CFAP46: variants seen among roughly 807,000 people sequenced by gnomAD.
CFAP46 encodes the protein cilia- and flagella-associated protein 46.
In CFAP46, 245 loss-of-function variants were observed where a neutral mutation model predicts 325.7. The ratio of observed to expected loss-of-function variants is 0.75; its 90% CI spans 0.68 to 0.84. CFAP46 has a LOEUF of 0.84. CFAP46 is among the 40% of genes least tolerant of loss of function. The pLI is 0.00. For synonymous variants in CFAP46, 1,523 were observed against 1,495.9 expected, an observed-to-expected ratio of 1.02 and a Z score of -0.42; for missense variants, 3,346 against 3,543.0, an observed-to-expected ratio of 0.94 and a Z score of 1.41.
At position 132,859,139 on chromosome 10, in the gene CFAP46, T is replaced by C; in HGVS notation, c.5307A>G (p.Arg1769=). 6.4e-7 allele frequency: 1 copy of C among 1,550,972 alleles called. No homozygotes were observed. Among genetic ancestry groups the C allele is most frequent in the Non-Finnish European group, 8.7e-7 (1 of 1,147,076 alleles). ...CTTTGCAGCCACAGTCGATAAACTT[T>C]CTCTCAATTTCCAACAGGCCATCAT... is the stretch of plus-strand genomic sequence containing the variant. ...EMDDGLLEIE[R]KFIDCGCKEN... The change falls in exon 38 of 58, where the codon AGA becomes AGG. Residue 1769 remains arginine, a synonymous_variant. Coordinates refer to ENST00000368586, the MANE Select transcript of CFAP46 (RefSeq NM_001200049.3).
Position 132,814,704 on chromosome 10 carries a change from C to T in CFAP46, c.7231G>A (p.Asp2411Asn), listed in dbSNP as rs61733298. 8,728 of 1,609,488 alleles carry T rather than the reference C, an allele frequency of 5.4e-3. 290 individuals carry two copies. The African/African-American group carries it at 0.088, about 16-fold the overall frequency. The change falls in exon 52 of 58, where the codon GAC (aspartate) becomes AAC (asparagine). Residue 2411 changes from aspartate to asparagine, a missense_variant. Coordinates refer to ENST00000368586, the MANE Select transcript of CFAP46 (RefSeq NM_001200049.3). ...RTIPPDCIIV[D>N]SDNFKFVVDP... is the part of the protein sequence containing the mutation. Reference sequence around the variant, plus strand: ...AGGATACACTTGAAGTTGTCTGAGTCGACTATGATGCAGTCAGGGGGGATG... The same window carrying T: ...AGGATACACTTGAAGTTGTCTGAGTTGACTATGATGCAGTCAGGGGGGATG...
chr10:132,833,832 C>T (rs1431041426), intron 49 of CFAP46, among the ~76,000 whole-genome samples: 1 of 152,214 alleles, frequency 6.6e-6, no homozygotes, highest in Non-Finnish European at 1.5e-5. Flanking sequence ...CACAGAGCCT[C>T]CTACCCAGAG....
At chr10:132,938,458 GGA>G (rs1850045083) in intron 5 of CFAP46, 129 bp downstream of exon 5, 1 of 871,760 alleles carries the variant, frequency 1.1e-6, no homozygotes, top group Admixed American at 2.4e-5. Context: ...TGTGACTGTG[GGA>G]GAGAACGCAC....
In CFAP46 at chr10:132,808,675, G is replaced by C. The variant is rs774421522; in HGVS notation, c.7894C>G (p.Leu2632Val). Residue 2632 changes from leucine (L) to valine (V), a missense_variant, in exon 58 of 58, where the codon CTC (leucine) becomes GTC (valine). Transcript: ENST00000368586. The surrounding 1 kb of genome is among the most constrained non-coding windows in gnomAD (Gnocchi z 6.8). Reference sequence around the variant, plus strand: ...GAGAGGCCCAGGAAGGGGAGAGCGAGCTGGGAGCTGGGGATGGGAGCCGGG... The same window carrying C: ...GAGAGGCCCAGGAAGGGGAGAGCGACCTGGGAGCTGGGGATGGGAGCCGGG... ...HLPAPIPSSQ[L>V]ALPFLGLSPA... 1.9e-6 allele frequency: 3 copies of C among 1,578,412 alleles called. No individual in the cohort carries two copies. In the South Asian group the frequency reaches 3.4e-5, roughly 18 times the overall value.
intron 39 of CFAP46, 70 bp downstream of exon 39, chr10:132,857,520 T>G: frequency 1.4e-6 from 2 of 1,481,366 alleles, no homozygotes; most frequent in East Asian, 2.3e-5. Flanking sequence ...GCTTGTAAGG[T>G]AAGTTACAGT....
At chr10:132,823,866 C>A (rs978818940) in intron 50 of CFAP46, among the ~76,000 whole-genome samples, 3 of 123,142 alleles carry the variant, frequency 2.4e-5, no homozygotes, top group Admixed American at 1.7e-4. Context: ...TGTGTGCTGT[C>A]TGTGCGCTGA....
chr10:132,813,044 C>T (rs1455988468), intron 54 of CFAP46, 147 bp from the exon 55 acceptor site: 4 of 629,770 alleles, frequency 6.4e-6, no homozygotes, highest in Admixed American at 5.4e-5. Context: ...TTCCTAATGC[C>T]CACGCCTCCC....
intron 31 of CFAP46, among the ~76,000 whole-genome samples, chr10:132,873,566 G>A (rs1848923714): frequency 6.6e-6 from 1 of 152,124 alleles, no homozygotes; most frequent in Non-Finnish European, 1.5e-5. Context: ...CTGCAGGCTG[G>A]GCTTAGAAAA....
At chr10:132,814,067 G>A in intron 54 of CFAP46, 85 bp downstream of exon 54, 1 of 1,027,430 alleles carries the variant, frequency 9.7e-7, no homozygotes, top group East Asian at 2.5e-5. Context: ...CAGACCCAGG[G>A]AGCCGGGGGT....
chr10:132,926,003 T>C (rs1849804402), intron 10 of CFAP46, among the ~76,000 whole-genome samples: 1 of 152,200 alleles, frequency 6.6e-6, no homozygotes. Flanking sequence ...TTTCTGTTCA[T>C]CTTTTAACTG....
intron 28 of CFAP46, 45 bp downstream of exon 28, chr10:132,880,816 G>A: frequency 1.3e-6 from 2 of 1,528,122 alleles, no homozygotes; most frequent in Non-Finnish European, 1.8e-6. Flanking sequence ...GCAGAGCTCT[G>A]GGGAGCGGCG....
chr10:132,916,577 C>G lies in CFAP46; in HGVS notation c.2092G>C (p.Glu698Gln), dbSNP rs1396016058. 1 of 1,548,062 alleles carries G rather than the reference C, an allele frequency of 6.5e-7. No homozygotes were observed. Among genetic ancestry groups the G allele is most frequent in the African/African-American group, 1.4e-5 (1 of 72,950 alleles). Residue 698 changes from glutamate to glutamine, a missense_variant, in exon 17 of 58, where the codon GAG (glutamate) becomes CAG (glutamine). Glu to Gln is a conservative substitution (Grantham distance 29). Transcript: ENST00000368586. ...TATGTGATCCACTCAGCATTCACCT[C>G]CGGGGGCTCAGGCACGTAGCCAGCT... ...HPAGYVPEPP[E>Q]VNAEWITYRT... is the part of the protein sequence containing the mutation.
At chr10:132,887,316 C>T (rs1242681531) in intron 25 of CFAP46, among the ~76,000 whole-genome samples, 4 of 110,144 alleles carry the variant, frequency 3.6e-5, no homozygotes, top group African/African-American at 1.8e-4. Context: ...CTTCTCTCCC[C>T]TCTCTCCTCT....
At chr10:132,921,747 G>A (rs112546494) in intron 13 of CFAP46, among the ~76,000 whole-genome samples, 2,972 of 152,266 alleles carry the variant, frequency 0.02, 91 homozygotes, top group African/African-American at 0.067. Flanking sequence ...GTGAGGATGC[G>A]GGGAGGAGAT....
chr10:132,849,063 G>T (rs1486700062), intron 41 of CFAP46, among the ~76,000 whole-genome samples: 1 of 152,238 alleles, frequency 6.6e-6, no homozygotes, highest in African/African-American at 2.4e-5. Context: ...GGTACGTCCC[G>T]GCCTGGCCTG....
intron 24 of CFAP46, among the ~76,000 whole-genome samples, chr10:132,897,666 C>T (rs902439278): frequency 2.0e-5 from 3 of 152,216 alleles, no homozygotes; most frequent in Non-Finnish European, 4.4e-5. Flanking sequence ...GTTGGCAGGT[C>T]GGCAGGCCAG....
In CFAP46 at chr10:132,876,424, C is replaced by T. The variant is rs138845873; in HGVS notation, c.4362+388G>A. On this transcript the variant is annotated intron_variant, in intron 31 of 57. Transcript: ENST00000368586. The surrounding 1 kb of genome is among the most constrained non-coding windows in gnomAD (Gnocchi z 4.1). The stretch of plus-strand genomic sequence containing the variant: ...GGGATGAGGAAAGAGGGATCTTCCC[C>T]GGCCCCTTTGGAGGGTGTGCCACCC... 7.9e-3 allele frequency among the ~76,000 whole-genome samples: 1,200 copies of T among 152,306 alleles called. 14 individuals are homozygous for T. The highest frequency in any genetic ancestry group is 0.027 in the African/African-American group (1,114 of 41,570).
At chr10:132,872,573 C>CT (rs1162177008) in intron 32 of CFAP46, 103 bp downstream of exon 32, 6 of 1,341,350 alleles carry the variant, frequency 4.5e-6, no homozygotes, top group Non-Finnish European at 5.2e-6. Flanking sequence ...GTCCCAGGGA[C>CT]TTTATTATTT....
chr10:132,838,020 C>T (rs968849617), intron 44 of CFAP46, among the ~76,000 whole-genome samples: 8 of 152,278 alleles, frequency 5.3e-5, no homozygotes, highest in Admixed American at 3.9e-4. Context: ...AGACTCAGAG[C>T]CGTGCCCCCA....
Sources: gnomAD v4.1 joint callset for allele counts (sites outside exome capture counted in the v4.1 genomes callset) on GRCh38, gnomAD v4.1.1 for gene constraint, Gnocchi (gnomAD v3.1) non-coding constraint, MANE v1.5 for transcripts, NCBI Gene and HGNC (gene_info 2026-07-23, HGNC 2026-07-21) for gene names.